ZNF804B: variants seen among roughly 807,000 people sequenced by gnomAD.
The protein encoded by ZNF804B is zinc finger 804B.
ZNF804B carries 80 observed loss-of-function variants against 101.4 expected under a neutral mutation model. The ratio of observed to expected loss-of-function variants is 0.79; its 90% CI spans 0.66 to 0.95. The LOEUF (loss-of-function observed/expected upper bound fraction) is 0.95. ZNF804B is among the 40% of genes least tolerant of loss of function. The pLI is 0.00. For synonymous variants in ZNF804B, 622 were observed against 558.8 expected (o/e 1.11, Z -1.59); for missense variants, 1,673 against 1,561.9 (o/e 1.07, Z -1.20).
In ZNF804B at chr7:89,094,084, A is replaced by G. The variant is rs148206099; in HGVS notation, c.109-124071A>G. 1.6e-3 allele frequency among the ~76,000 whole-genome samples: 242 copies of G among 152,328 alleles called. 1 individual carries two copies. Among genetic ancestry groups the G allele is most frequent in the African/African-American group, 5.6e-3 (232 of 41,580 alleles). ...AAAGACCTTACAAACACTTTATACT[A>G]TTGTCAAACATTTGGGAGGACAGAA... On this transcript the variant is annotated intron_variant, in intron 1 of 3. Transcript: ENST00000333190.
chr7:89,292,290 C>T (rs977043728), intron 2 of ZNF804B, among the ~76,000 whole-genome samples: 5 of 152,230 alleles, frequency 3.3e-5, no homozygotes, highest in Middle Eastern at 3.4e-3. Context: ...AAACTACTCT[C>T]ATCTTAAGTA....
chr7:88,898,073 CTTTTTTTTTTTTTTTTTT>C (rs869050718), intron 1 of ZNF804B, among the ~76,000 whole-genome samples: 2 of 56,596 alleles, frequency 3.5e-5, no homozygotes, highest in African/African-American at 8.4e-5. Flanking sequence ...ACTTCTCCAT[CTTTTTTTTTTTTTTTTTT>C]TTTTTTTTTT....
chr7:89,057,164 A>G (rs903665674), intron 1 of ZNF804B, among the ~76,000 whole-genome samples: 1 of 152,146 alleles, frequency 6.6e-6, no homozygotes, highest in African/African-American at 2.4e-5. Context: ...CTATAGGAAC[A>G]ATGGGGATGA....
At chr7:89,248,875 A>T (rs1254747070) in intron 2 of ZNF804B, among the ~76,000 whole-genome samples, 1 of 152,128 alleles carries the variant, frequency 6.6e-6, no homozygotes, top group African/African-American at 2.4e-5. Context: ...AGATCCATGT[A>T]TCTGCTCTCT....
intron 1 of ZNF804B, among the ~76,000 whole-genome samples, chr7:88,850,811 A>C (rs1447401162): frequency 6.6e-6 from 1 of 152,136 alleles, no homozygotes; most frequent in Non-Finnish European, 1.5e-5. Flanking sequence ...AAAACAACAA[A>C]AATCATTCAA....
chr7:89,156,074 C>CCTTCTTTCTCTCGTTCTCTCTTTCCTT (rs1790968290), intron 1 of ZNF804B, among the ~76,000 whole-genome samples: 9 of 69,780 alleles, frequency 1.3e-4, no homozygotes, highest in East Asian at 4.9e-4. Context: ...CTTTCTTTCT[C>CCTTCTTTCTCTCGTTCTCTCTTTCCTT]TCTTTCTCTC....
chr7:88,844,738 C>G (rs1050299581), intron 1 of ZNF804B, among the ~76,000 whole-genome samples: 4 of 152,052 alleles, frequency 2.6e-5, no homozygotes, highest in African/African-American at 9.7e-5. Context: ...GTGAAAAATG[C>G]AATTGGAGGC....
At chr7:89,094,541 CTT>C (rs1003836713) in intron 1 of ZNF804B, among the ~76,000 whole-genome samples, 2 of 151,958 alleles carry the variant, frequency 1.3e-5, no homozygotes, top group Non-Finnish European at 2.9e-5. Context: ...GGTACACTCA[CTT>C]TTTTAAAAAA....
At chr7:89,168,562 T>C (rs545710195) in intron 1 of ZNF804B, among the ~76,000 whole-genome samples, 1 of 152,226 alleles carries the variant, frequency 6.6e-6, no homozygotes, top group East Asian at 1.9e-4. Flanking sequence ...TTAGGACTTG[T>C]GGTCAGTTGG....
chr7:88,986,611 G>C (rs781207156), intron 1 of ZNF804B, among the ~76,000 whole-genome samples: 16 of 152,092 alleles, frequency 1.1e-4, no homozygotes, highest in Non-Finnish European at 1.9e-4. Context: ...TTTGTTCTCT[G>C]TTCCTGACCT....
intron 1 of ZNF804B, among the ~76,000 whole-genome samples, chr7:89,096,014 G>C (rs970373485): frequency 6.6e-6 from 1 of 152,008 alleles, no homozygotes; most frequent in Non-Finnish European, 1.5e-5. Flanking sequence ...AATTAGCCGG[G>C]CATGGTGGCG....
intron 1 of ZNF804B, among the ~76,000 whole-genome samples, chr7:88,903,116 T>C (rs146305517): frequency 0.01 from 1,533 of 147,432 alleles, 11 homozygotes; most frequent in Middle Eastern, 0.021. Context: ...CCCCCTCTAA[T>C]AGTCTCCAGT....
At chr7:88,832,532 T>G (rs1791147983) in intron 1 of ZNF804B, among the ~76,000 whole-genome samples, 1 of 151,946 alleles carries the variant, frequency 6.6e-6, no homozygotes, top group Non-Finnish European at 1.5e-5. Context: ...AAGCGGGAGC[T>G]ATTTTTTGTT....
At chr7:89,314,595 C>G (rs1411080118) in intron 2 of ZNF804B, among the ~76,000 whole-genome samples, 1 of 152,128 alleles carries the variant, frequency 6.6e-6, no homozygotes, top group East Asian at 1.9e-4. Context: ...AGGTGCTATG[C>G]AAACGATTTA....
intron 2 of ZNF804B, among the ~76,000 whole-genome samples, chr7:89,234,541 A>G (rs1472437825): frequency 6.6e-6 from 1 of 152,110 alleles, no homozygotes; most frequent in Non-Finnish European, 1.5e-5. Flanking sequence ...CTGGTGAAGC[A>G]TTGTTTTTGG....
intron 1 of ZNF804B, among the ~76,000 whole-genome samples, chr7:88,967,048 G>T (rs770558648): frequency 4.6e-5 from 7 of 150,702 alleles, no homozygotes; most frequent in Non-Finnish European, 1.5e-5. Flanking sequence ...TGGTCACTTT[G>T]GAGTCCCTTT....
intron 1 of ZNF804B, among the ~76,000 whole-genome samples, chr7:88,908,872 T>C (rs1186485297): frequency 6.6e-6 from 1 of 151,798 alleles, no homozygotes; most frequent in East Asian, 1.9e-4. Flanking sequence ...TCTTTGAACA[T>C]TTCAGTTTAT....
At chr7:88,910,859 A>G (rs1196838748) in intron 1 of ZNF804B, among the ~76,000 whole-genome samples, 1 of 151,978 alleles carries the variant, frequency 6.6e-6, no homozygotes, top group Non-Finnish European at 1.5e-5. Flanking sequence ...AACTCACAAT[A>G]TTCTTCCAGC....
At chr7:89,045,487 A>C (rs1057513841) in intron 1 of ZNF804B, among the ~76,000 whole-genome samples, 2 of 152,206 alleles carry the variant, frequency 1.3e-5, no homozygotes, top group Non-Finnish European at 2.9e-5. Flanking sequence ...AATGTCAGTC[A>C]TGAAGGCAGC....
Sources: allele counts gnomAD v4.1 joint callset (sites outside exome capture counted in the v4.1 genomes callset), GRCh38; gene constraint gnomAD v4.1.1; transcripts MANE v1.5; gene names NCBI Gene and HGNC (gene_info 2026-07-23, HGNC 2026-07-21).